Variants in TJP1 observed in about 807,000 individuals in gnomAD.
TJP1 encodes the protein tight junction protein ZO-1.
A neutral mutation model predicts 194.2 loss-of-function variants in TJP1; 43 were observed. The observed-to-expected ratio is 0.22, with a 90% CI of 0.17 to 0.29. TJP1 has a LOEUF of 0.29. Among genes scored for constraint, TJP1 ranks in the 10% least tolerant of loss-of-function variants. The probability of loss-of-function intolerance (pLI) is 1.00; values close to 1 mark genes in which losing one functional copy is unlikely to be tolerated. For missense variants in TJP1, 1,971 were observed against 2,185.7 expected (o/e 0.90, Z 1.96); for synonymous variants, 801 against 779.0 (o/e 1.03, Z -0.47).
chr15:29,749,928 C>T (rs1451529626), intron 8 of TJP1, among the ~76,000 whole-genome samples: 2 of 152,192 alleles, frequency 1.3e-5, no homozygotes, highest in African/African-American at 2.4e-5. Context: ...CTGCAACCTC[C>T]GCCTCCTGGG....
At chr15:29,715,595 G>T (rs965942726) in intron 23 of TJP1, among the ~76,000 whole-genome samples, 3 of 152,148 alleles carry the variant, frequency 2.0e-5, no homozygotes, top group Non-Finnish European at 4.4e-5. Flanking sequence ...TTTTAATATA[G>T]ACACAATACT....
intron 23 of TJP1, among the ~76,000 whole-genome samples, chr15:29,711,547 G>C (rs1043448031): frequency 6.6e-6 from 1 of 152,054 alleles, no homozygotes; most frequent in Non-Finnish European, 1.5e-5. Context: ...TGTACTTTTA[G>C]TAGAGATGGC....
intron 2 of TJP1, among the ~76,000 whole-genome samples, chr15:29,890,976 A>T (rs2053288160): frequency 6.6e-6 from 1 of 152,240 alleles, no homozygotes; most frequent in Non-Finnish European, 1.5e-5. Flanking sequence ...GGGCACTGGC[A>T]CCAGGCCAAG....
At chr15:29,730,916 C>A (rs2043600340) in intron 15 of TJP1, 1 of 1,222,260 alleles carries the variant, frequency 8.2e-7, no homozygotes, top group Non-Finnish European at 1.2e-6. Flanking sequence ...AGGGGAATAA[C>A]CCTGCAGAAA....
chr15:29,746,644 ACTT>A (rs1196706473), intron 8 of TJP1, among the ~76,000 whole-genome samples: 1 of 152,000 alleles, frequency 6.6e-6, no homozygotes, highest in Non-Finnish European at 1.5e-5. Flanking sequence ...ACAAAAATTT[ACTT>A]ATTATAATAA....
chr15:29,726,627 T>G (rs2043254135), intron 17 of TJP1, 148 bp from the exon 18 acceptor site: 1 of 1,129,970 alleles, frequency 8.8e-7, no homozygotes, highest in South Asian at 1.5e-5. Flanking sequence ...CTACTGTATA[T>G]TTTCTTTTAA....
chr15:29,761,057 T>A, intron 8 of TJP1, 82 bp downstream of exon 8: 1 of 1,408,918 alleles, frequency 7.1e-7, no homozygotes, highest in South Asian at 1.5e-5. Flanking sequence ...ATACATCTTT[T>A]AATTTTATTT....
At chr15:29,746,100 T>C (rs766998029) in intron 8 of TJP1, among the ~76,000 whole-genome samples, 17 of 152,156 alleles carry the variant, frequency 1.1e-4, no homozygotes, top group Non-Finnish European at 1.5e-4. Flanking sequence ...TTAAAACGGC[T>C]GGGCGCAGTG....
intron 10 of TJP1, 47 bp downstream of exon 10, chr15:29,741,284 T>C (rs1318684849): frequency 3.6e-6 from 5 of 1,391,382 alleles, no homozygotes; most frequent in Non-Finnish European, 5.0e-6. Flanking sequence ...CTCTGAATAA[T>C]GTTAATAATG....
At chr15:29,732,243 T>C in intron 15 of TJP1, 190 bp downstream of exon 15, 2 of 587,920 alleles carry the variant, frequency 3.4e-6, no homozygotes, top group Non-Finnish European at 6.0e-6. Context: ...ACGGTGACTT[T>C]TCTCATTAAA....
intron 2 of TJP1, among the ~76,000 whole-genome samples, chr15:29,925,865 T>A (rs1718988): frequency 0.19 from 28,982 of 152,160 alleles, 2,874 homozygotes; most frequent in East Asian, 0.35. Context: ...ATAAAAAACA[T>A]ATTAGCTCCT....
chr15:29,785,157 T>C (rs1304048865), intron 2 of TJP1, among the ~76,000 whole-genome samples: 1 of 152,224 alleles, frequency 6.6e-6, no homozygotes, highest in Non-Finnish European at 1.5e-5. Flanking sequence ...TTTTAGCTTC[T>C]GGGGATGGAA....
In TJP1 at chr15:29,753,715, G is replaced by A. The variant is rs547873530; in HGVS notation, c.1010+7424C>T. Among the ~76,000 whole-genome samples the A allele has an allele frequency of 2.9e-3, 446 of 151,602 alleles. 1 individual carries two copies. The highest frequency in any genetic ancestry group is 9.4e-3 in the South Asian group (45 of 4,788). On this transcript the variant is annotated intron_variant, in intron 8 of 27. Coordinates refer to ENST00000614355, the MANE Select transcript of TJP1 (RefSeq NM_001330239.4). The stretch of plus-strand genomic sequence containing the variant: ...TCACGGTGTAAGGTACAGGAGCCAT[G>A]GGAAAGAAGTCACTGATTCGACTCG...
intron 8 of TJP1, among the ~76,000 whole-genome samples, chr15:29,757,866 C>A (rs1193572929): frequency 1.3e-5 from 2 of 152,062 alleles, no homozygotes; most frequent in South Asian, 2.1e-4. Context: ...GGTCCACTTA[C>A]ACTCGAATTT....
At chr15:29,880,947 G>GTA (rs2052905744) in intron 2 of TJP1, among the ~76,000 whole-genome samples, 1 of 152,122 alleles carries the variant, frequency 6.6e-6, no homozygotes, top group Non-Finnish European at 1.5e-5. Flanking sequence ...CGCTTCTTTT[G>GTA]GATATATACC....
At chr15:29,741,812 C>G (rs1174968431) in intron 9 of TJP1, among the ~76,000 whole-genome samples, 1 of 152,052 alleles carries the variant, frequency 6.6e-6, no homozygotes, top group Non-Finnish European at 1.5e-5. Flanking sequence ...GCAAGCAGAG[C>G]AAGAAAGATG....
chr15:29,713,231 TGAA>T (rs904510986), intron 23 of TJP1, among the ~76,000 whole-genome samples: 2 of 152,256 alleles, frequency 1.3e-5, no homozygotes, highest in African/African-American at 4.8e-5. Flanking sequence ...CTGGTTGTCC[TGAA>T]GAAGTTGACT....
chr15:29,721,806 A>G (rs2042945148), intron 18 of TJP1, among the ~76,000 whole-genome samples: 1 of 152,234 alleles, frequency 6.6e-6, no homozygotes, highest in South Asian at 2.1e-4. Flanking sequence ...ACAGAGATGA[A>G]GAACTTACTG....
Position 29,732,369 on chromosome 15 carries a change from A to G in TJP1, c.2017+64T>C. On this transcript the variant is annotated intron_variant, in intron 15 of 27. Coordinates refer to ENST00000614355, the MANE Select transcript of TJP1 (RefSeq NM_001330239.4). ...CTTATTTTTATTGAATGAGTGAATC[A>G]GAACTCACTCACTTTAGAGGTGTAA... The G allele has an allele frequency of 2.3e-6, 3 of 1,306,864 alleles. No individual in the cohort carries two copies. In the South Asian group the frequency reaches 3.7e-5, roughly 16 times the overall value. The allele number at this position is 1,306,864 out of a possible 1,614,324, so 81.0% of individuals were successfully genotyped here. A position where few individuals can be genotyped will look rare whatever the true frequency, so the allele number is the denominator to read the frequency against.
Sources: gnomAD v4.1 joint callset for allele counts (sites outside exome capture counted in the v4.1 genomes callset) on GRCh38, gnomAD v4.1.1 for gene constraint, MANE v1.5 for transcripts, NCBI Gene and HGNC (gene_info 2026-07-23, HGNC 2026-07-21) for gene names.